TCF7L2: variants seen among roughly 807,000 people sequenced by gnomAD.
TCF7L2 encodes transcription factor 7 like 2.
Under a neutral mutation model 77.9 loss-of-function variants are expected in TCF7L2, and 23 were observed. That is an observed-to-expected ratio of 0.30 (90% confidence interval 0.21 to 0.42). The LOEUF (loss-of-function observed/expected upper bound fraction) is 0.42. Ranked by LOEUF, TCF7L2 falls within the 10% of genes least tolerant of loss-of-function variation. The pLI is 1.00. For missense variants in TCF7L2, 654 were observed against 793.1 expected, an observed-to-expected ratio of 0.82 and a Z score of 2.11; for synonymous variants, 413 against 340.2, an observed-to-expected ratio of 1.21 and a Z score of -2.36.
chr10:112,978,836 T>G (rs2039946460), intron 4 of TCF7L2, among the ~76,000 whole-genome samples: 1 of 151,990 alleles, frequency 6.6e-6, no homozygotes, highest in Admixed American at 6.6e-5. Context: ...AATATACATA[T>G]ATATTTTTAT....
chr10:113,158,805 C>T (rs2072491587), intron 12 of TCF7L2, 88 bp downstream of exon 13: 10 of 1,327,992 alleles, frequency 7.5e-6, no homozygotes, highest in Admixed American at 4.0e-5. Context: ...CATTTAAACA[C>T]GTATGACATT....
rs140834701 is a variant in TCF7L2 at position 113,147,148 on chromosome 10, C to T, written c.875+1051C>T. Among the ~76,000 whole-genome samples, 43 of 152,226 alleles carry T rather than the reference C, an allele frequency of 2.8e-4. No individual in the cohort carries two copies. In the East Asian group the frequency reaches 7.5e-3, roughly 27 times the overall value. On this transcript the variant is annotated intron_variant, in intron 8 of 13. Coordinates refer to ENST00000627217, the MANE Select transcript of TCF7L2 (RefSeq NM_001146274.2). ...TGATTTTCAGTCAAGTTAATTAAATCGGTGGAGGTTTAGACTTTGCTGATG... is the reference window on the plus strand; with the variant it reads ...TGATTTTCAGTCAAGTTAATTAAATTGGTGGAGGTTTAGACTTTGCTGATG...
chr10:112,994,994 G>A (rs1382979823), intron 4 of TCF7L2, among the ~76,000 whole-genome samples: 1 of 152,130 alleles, frequency 6.6e-6, no homozygotes, highest in Non-Finnish European at 1.5e-5. Flanking sequence ...CAGCTACTCA[G>A]GAGGCTTGAG....
At chr10:113,104,582 T>C (rs929990800) in intron 5 of TCF7L2, among the ~76,000 whole-genome samples, 1 of 152,194 alleles carries the variant, frequency 6.6e-6, no homozygotes, top group Admixed American at 6.5e-5. Flanking sequence ...TCATATACCA[T>C]ACTCTACAAT....
chr10:113,107,585 T>C (rs1030502199), intron 5 of TCF7L2, among the ~76,000 whole-genome samples: 8 of 149,346 alleles, frequency 5.4e-5, no homozygotes, highest in Non-Finnish European at 8.9e-5. Flanking sequence ...CCACTAAAAA[T>C]ACAAAAAATT....
intron 4 of TCF7L2, among the ~76,000 whole-genome samples, chr10:113,023,668 A>T (rs1385463189): frequency 1.3e-5 from 2 of 149,852 alleles, no homozygotes; most frequent in Middle Eastern, 3.2e-3. Context: ...TATTTTATTT[A>T]TTTTTTAATT....
chr10:113,100,070 G>C (rs1031622067), intron 5 of TCF7L2, among the ~76,000 whole-genome samples: 1 of 152,188 alleles, frequency 6.6e-6, no homozygotes, highest in African/African-American at 2.4e-5. Flanking sequence ...CAGGTCATCC[G>C]TGACTTAGCT....
At chr10:113,085,898 G>C (rs554254512) in intron 5 of TCF7L2, among the ~76,000 whole-genome samples, 7 of 152,336 alleles carry the variant, frequency 4.6e-5, no homozygotes, top group African/African-American at 1.4e-4. Context: ...TCTACTTTCT[G>C]GATCTGGTGC....
chr10:113,099,802 G>A (rs947757648), intron 5 of TCF7L2, among the ~76,000 whole-genome samples: 2 of 152,120 alleles, frequency 1.3e-5, no homozygotes, highest in African/African-American at 4.8e-5. Flanking sequence ...TGCCATCGCA[G>A]CCAATTGAGA....
chr10:113,008,507 G>A (rs1259260698), intron 4 of TCF7L2, among the ~76,000 whole-genome samples: 1 of 152,098 alleles, frequency 6.6e-6, no homozygotes. Flanking sequence ...ATCCCTTATC[G>A]CTATAACGCC....
intron 12 of TCF7L2, 21 bp downstream of exon 13, chr10:113,158,738 C>A: frequency 6.2e-7 from 1 of 1,608,074 alleles, no homozygotes; most frequent in South Asian, 1.1e-5. Context: ...CATTTTGAGT[C>A]ATTAAAATAG....
chr10:113,059,686 A>G (rs144085546), intron 5 of TCF7L2, among the ~76,000 whole-genome samples: 4 of 152,158 alleles, frequency 2.6e-5, no homozygotes, highest in African/African-American at 7.2e-5. Flanking sequence ...CAATGTCTCA[A>G]TTGTTCCTTT....
At chr10:113,043,881 T>C (rs1285687879) in intron 5 of TCF7L2, among the ~76,000 whole-genome samples, 4 of 152,170 alleles carry the variant, frequency 2.6e-5, no homozygotes, top group Admixed American at 2.6e-4. Flanking sequence ...AGCCGCTCCC[T>C]GGATACCACC....
chr10:113,103,348 A>G (rs2061883613), intron 5 of TCF7L2, among the ~76,000 whole-genome samples: 2 of 152,218 alleles, frequency 1.3e-5, no homozygotes, highest in Admixed American at 6.5e-5. Flanking sequence ...CCTCTCTGCA[A>G]TTGGCAACAT....
At position 113,160,664 on chromosome 10, in the gene TCF7L2, G is replaced by A. The variant is rs148050954; in HGVS notation, c.1364G>A (p.Arg455Gln). 1.0e-4 allele frequency: 167 copies of A among 1,596,096 alleles called. No individual in the cohort carries two copies. The Middle Eastern group carries it at 2.8e-3, about 27-fold the overall frequency. ...TGTCGGGCACTGTTCGGGCTTGACC[G>A]ACAGACTTTATGGTGCAAACCGTGC... Residue 455 changes from arginine (R) to glutamine (Q), a missense_variant, in exon 13 of 14, where the codon CGA becomes CAA. By Grantham distance (43) the Arg-to-Gln change is conservative. Around this residue, in one of 6 missense-constraint regions of TCF7L2, gnomAD observed 272 missense variants for 215.4 expected, o/e 1.26. Transcript: ENST00000627217.
chr10:113,077,421 AATATCGCC>A (rs1263815925), intron 5 of TCF7L2, among the ~76,000 whole-genome samples: 1 of 152,180 alleles, frequency 6.6e-6, no homozygotes, highest in African/African-American at 2.4e-5. Context: ...CTATGCAACC[AATATCGCC>A]ATTGTAGAAC....
chr10:112,955,341 C>T (rs1589626781), intron 3 of TCF7L2, among the ~76,000 whole-genome samples: 1 of 152,292 alleles, frequency 6.6e-6, no homozygotes, highest in Non-Finnish European at 1.5e-5. Flanking sequence ...AATCTCAATG[C>T]AACCGTATTA....
intron 3 of TCF7L2, among the ~76,000 whole-genome samples, chr10:112,958,439 G>T (rs1435537136): frequency 6.6e-6 from 1 of 152,016 alleles, no homozygotes; most frequent in Non-Finnish European, 1.5e-5. Flanking sequence ...GAAAAGTGGA[G>T]TCCCTCTCTT....
chr10:113,104,145 G>A (rs2061983194), intron 5 of TCF7L2, among the ~76,000 whole-genome samples: 1 of 152,200 alleles, frequency 6.6e-6, no homozygotes, highest in African/African-American at 2.4e-5. Context: ...AAGACTGTAA[G>A]TGGTCACATG....
Sources: gnomAD v4.1 joint callset for allele counts (sites outside exome capture counted in the v4.1 genomes callset) on GRCh38, gnomAD v4.1.1 for gene constraint, gnomAD v4.1.1 regional missense constraint, MANE v1.5 for transcripts, NCBI Gene and HGNC (gene_info 2026-07-23, HGNC 2026-07-21) for gene names.